SPNS2: variants seen among roughly 807,000 people sequenced by gnomAD.
The protein encoded by SPNS2 is sphingosine-1-phosphate transporter SPNS2.
A neutral mutation model predicts 57.6 loss-of-function variants in SPNS2; 37 were observed. The ratio of observed to expected loss-of-function variants is 0.64; its 90% CI spans 0.49 to 0.85. The LOEUF (loss-of-function observed/expected upper bound fraction) is 0.85. Ranked by LOEUF, SPNS2 falls within the 40% of genes least tolerant of loss-of-function variation. SPNS2 has a pLI of 0.00. For synonymous variants in SPNS2, 440 were observed against 346.9 expected, an observed-to-expected ratio of 1.27 and a Z score of -2.98; for missense variants, 831 against 779.1, an observed-to-expected ratio of 1.07 and a Z score of -0.79.
At chr17:4,531,214 C>G in intron 5 of SPNS2, 95 bp downstream of exon 5, 1 of 1,164,568 alleles carries the variant, frequency 8.6e-7, no homozygotes, top group Admixed American at 1.9e-5. Flanking sequence ...ACCTAGGCCT[C>G]CAGGATTCCT....
At chr17:4,523,533 C>T (rs1438477923) in intron 2 of SPNS2, among the ~76,000 whole-genome samples, 4 of 152,048 alleles carry the variant, frequency 2.6e-5, no homozygotes, top group Admixed American at 6.6e-5. Flanking sequence ...TTTGGGAGGC[C>T]GAGGCAGGTG....
chr17:4,536,917 T>C lies in SPNS2; in HGVS notation c.1625T>C (p.Met542Thr). The C allele has an allele frequency of 6.2e-7, 1 of 1,613,348 alleles. No individual in the cohort carries two copies. Among genetic ancestry groups the C allele is most frequent in the East Asian group, 2.2e-5 (1 of 44,858 alleles). The change falls in exon 12 of 13, where the codon ATG becomes ACG. Residue 542 changes from methionine (M) to threonine (T), a missense_variant. This residue lies in a region of SPNS2 where 526 missense variants were observed against 400.9 expected (regional missense o/e 1.31). Transcript: ENST00000329078. The stretch of plus-strand genomic sequence containing the variant: ...TCCCCCAGGGTGAACCAGCTGGCGA[T>C]GCCGCCCGCATCTGTGAAAGTCTGA... Reference protein sequence around the residue: ...RAEQQVNQLAMPPASVKV With the variant: ...RAEQQVNQLATPPASVKV
rs1269323772 is a variant in SPNS2, at chr17:4,516,339, A to C, written c.436+3027A>C. On this transcript the variant is annotated intron_variant, in intron 2 of 12. Transcript: ENST00000329078. ...CCCAAAAAAAAAAAAAAAAAAAAAAAAAAACAAAAAAACCGCTCATAGGTT... is the reference window on the plus strand; with the variant it reads ...CCCAAAAAAAAAAAAAAAAAAAAAACAAAACAAAAAAACCGCTCATAGGTT... Among the ~76,000 whole-genome samples, 524 of 132,000 alleles carry C rather than the reference A, an allele frequency of 4.0e-3. 23 individuals carry two copies. Among genetic ancestry groups the C allele is most frequent in the South Asian group, 0.019 (63 of 3,352 alleles). 86.6% of individuals were successfully genotyped at this position (132,000 alleles called of 152,430 possible).
In SPNS2 at chr17:4,538,875, T is replaced by C; in HGVS notation, c.*1427T>C. On this transcript the variant is annotated 3_prime_UTR_variant, in exon 13 of 13. Transcript: ENST00000329078. ...CCTCAGCGGGGCCCCAGCGATGTTTTCTTGTTGTACAAGAACCAGGTCCGA... is the reference window on the plus strand; with the variant it reads ...CCTCAGCGGGGCCCCAGCGATGTTTCCTTGTTGTACAAGAACCAGGTCCGA... The C allele has an allele frequency of 1.3e-6, 1 of 781,140 alleles. No homozygotes were observed. The highest frequency in any genetic ancestry group is 2.4e-5 in the East Asian group (1 of 41,242). The allele number at this position is 781,140 out of a possible 1,614,324, so 48.4% of individuals were successfully genotyped here.
At chr17:4,507,323 C>CTGCCCCCATTT (rs1160872741) in intron 1 of SPNS2, among the ~76,000 whole-genome samples, 1 of 152,270 alleles carries the variant, frequency 6.6e-6, no homozygotes, top group Non-Finnish European at 1.5e-5. Flanking sequence ...TTCCAGGCAT[C>CTGCCCCCATTT]TGCCCCCATT....
chr17:4,523,352 T>C (rs1905186076), intron 2 of SPNS2, among the ~76,000 whole-genome samples: 1 of 151,980 alleles, frequency 6.6e-6, no homozygotes, highest in Non-Finnish European at 1.5e-5. Flanking sequence ...GCAGGAGAAT[T>C]GCTTGAACCT....
intron 1 of SPNS2, among the ~76,000 whole-genome samples, chr17:4,502,639 T>C (rs1904552483): frequency 6.6e-6 from 1 of 152,092 alleles, no homozygotes; most frequent in Admixed American, 6.5e-5. Flanking sequence ...GTGTGATCAT[T>C]CCCCTCCCGC....
intron 10 of SPNS2, 30 bp downstream of exon 10, chr17:4,536,204 G>GA: frequency 6.2e-7 from 1 of 1,608,534 alleles, no homozygotes. Flanking sequence ...GGCTGGCCAG[G>GA]GCAGGCTGGG....
intron 2 of SPNS2, among the ~76,000 whole-genome samples, chr17:4,523,370 G>A (rs138089747): frequency 0.029 from 4,491 of 152,246 alleles, 85 homozygotes; most frequent in Middle Eastern, 0.054. Flanking sequence ...CCTGGGAGGC[G>A]GAGGTTGCAG....
At position 4,498,935 on chromosome 17, in the gene SPNS2, C is replaced by G. The variant is rs1471280990; in HGVS notation, c.-113C>G. The G allele has an allele frequency of 1.7e-6, 1 of 588,776 alleles. No homozygotes were observed. The highest frequency in any genetic ancestry group is 2.1e-6 in the Non-Finnish European group (1 of 468,146). The allele number at this position is 588,776 out of a possible 1,614,324, so 36.5% of individuals were successfully genotyped here. A position where few individuals can be genotyped will look rare whatever the true frequency, so the allele number is the denominator to read the frequency against. On this transcript the variant is annotated 5_prime_UTR_variant, in exon 1 of 13. Coordinates refer to ENST00000329078, the MANE Select transcript of SPNS2 (RefSeq NM_001124758.3). ...GCCGGGGCCGGAGCGCAGGAGCCGA[C>G]GGGGCCCGACCAGGATGGTGCAGTG... is the stretch of plus-strand genomic sequence containing the variant.
Position 4,535,028 on chromosome 17 carries a change from C to T in SPNS2, c.1345-1048C>T, listed in dbSNP as rs1020546793. On this transcript the variant is annotated intron_variant, in intron 9 of 12. Transcript: ENST00000329078. The stretch of plus-strand genomic sequence containing the variant: ...TTTTCCACCCGCCCCCCACCTCTCC[C>T]GCAACGGGGTGCCCCGTGGGTGCTG... Among the ~76,000 whole-genome samples the T allele has an allele frequency of 7.2e-5, 11 of 152,224 alleles. No homozygotes were observed. In the East Asian group the frequency reaches 9.6e-4, roughly 13 times the overall value.
chr17:4,521,740 G>A (rs546439406), intron 2 of SPNS2, among the ~76,000 whole-genome samples: 47 of 152,246 alleles, frequency 3.1e-4, no homozygotes, highest in Non-Finnish European at 5.7e-4. Flanking sequence ...TTATTTTGCT[G>A]TGTTTCAGCG....
At chr17:4,522,530 G>A (rs977872141) in intron 2 of SPNS2, among the ~76,000 whole-genome samples, 4 of 152,208 alleles carry the variant, frequency 2.6e-5, no homozygotes, top group Non-Finnish European at 5.9e-5. Flanking sequence ...GGGGAGCTCT[G>A]CCTGGCCCTC....
At position 4,537,895 on chromosome 17, in the gene SPNS2, G is replaced by C. The variant is rs75620274; in HGVS notation, c.*447G>C. On this transcript the variant is annotated 3_prime_UTR_variant, in exon 13 of 13. Coordinates refer to ENST00000329078, the MANE Select transcript of SPNS2 (RefSeq NM_001124758.3). ...AGACTCAACAGACCCTGGACCATAC[G>C]GAGAGCAGGTGGCCCAGGCCTCAGG... 1.2e-5 allele frequency: 5 copies of C among 424,766 alleles called. No homozygotes were observed. In the Admixed American group the frequency reaches 1.3e-4, roughly 11 times the overall value. 26.3% of individuals were successfully genotyped at this position (424,766 alleles called of 1,614,324 possible). A position where few individuals can be genotyped will look rare whatever the true frequency, so the allele number is the denominator to read the frequency against.
intron 1 of SPNS2, among the ~76,000 whole-genome samples, chr17:4,504,916 G>A (rs1024141041): frequency 2.6e-5 from 4 of 152,184 alleles, no homozygotes; most frequent in East Asian, 1.9e-4. Context: ...AGGATAGTGT[G>A]GTGCACTTGG....
At chr17:4,513,901 C>A (rs899243151) in intron 2 of SPNS2, among the ~76,000 whole-genome samples, 5 of 152,224 alleles carry the variant, frequency 3.3e-5, no homozygotes, top group Non-Finnish European at 7.3e-5. Flanking sequence ...GGGGCCCAGG[C>A]TTCTGATGGG....
Position 4,512,308 on chromosome 17 carries a change from A to T in SPNS2, c.371-939A>T, listed in dbSNP as rs1904848978. Among the ~76,000 whole-genome samples, 2 of 152,122 alleles carry T rather than the reference A, an allele frequency of 1.3e-5. 1 individual carries two copies. The highest frequency in any genetic ancestry group is 4.1e-4 in the South Asian group (2 of 4,826). On this transcript the variant is annotated intron_variant, in intron 1 of 12. Coordinates refer to ENST00000329078, the MANE Select transcript of SPNS2 (RefSeq NM_001124758.3). This position sits in a 1 kb window ranked among gnomAD's most constrained non-coding sequence, Gnocchi z 5.2. ...AATGCAGGCAGGGACCCTGAGGCCCACGGGGATGGGGGTTGTGCTTACTCA... is the reference window on the plus strand; with the variant it reads ...AATGCAGGCAGGGACCCTGAGGCCCTCGGGGATGGGGGTTGTGCTTACTCA...
chr17:4,517,019 C>T (rs950180259), intron 2 of SPNS2, among the ~76,000 whole-genome samples: 2 of 152,228 alleles, frequency 1.3e-5, no homozygotes, highest in African/African-American at 4.8e-5. Flanking sequence ...ATCAAGGGAA[C>T]GCCCGCCTGG....
At position 4,499,165 on chromosome 17, in the gene SPNS2, TGCGGGGC is replaced by T. The variant is rs1014934585; in HGVS notation, c.131_137del (p.Gly44AlafsTer19). The T allele has an allele frequency of 4.1e-6, 5 of 1,221,308 alleles. No individual in the cohort carries two copies. Among genetic ancestry groups the T allele is most frequent in the Admixed American group, 4.4e-5 (1 of 22,770 alleles). The allele number at this position is 1,221,308 out of a possible 1,614,324, so 75.7% of individuals were successfully genotyped here. A position where few individuals can be genotyped will look rare whatever the true frequency, so the allele number is the denominator to read the frequency against. On this transcript the variant is annotated frameshift_variant, in exon 1 of 13. Transcript: ENST00000329078. LOFTEE classifies it high-confidence loss of function. The surrounding 1 kb of genome is among the most constrained non-coding windows in gnomAD (Gnocchi z 5.2). ...GCGAGGGGCTGGCGGTAGCGGTTGC[TGCGGGGC>T]GCGGGGCGCGGGCGGCGCTGGAGTC...
Sources: allele counts gnomAD v4.1 joint callset (sites outside exome capture counted in the v4.1 genomes callset), GRCh38; gene constraint gnomAD v4.1.1; regional missense constraint gnomAD v4.1.1; non-coding constraint Gnocchi (gnomAD v3.1); transcripts MANE v1.5; gene names NCBI Gene and HGNC (gene_info 2026-07-23, HGNC 2026-07-21).